The following CLVS1 variants were observed in gnomAD, a reference collection of about 807,000 sequenced individuals.
The protein encoded by CLVS1 is clavesin-1.
CLVS1 carries 10 observed loss-of-function variants against 33.1 expected under a neutral mutation model. The observed-to-expected ratio is 0.30, with a 90% confidence interval of 0.19 to 0.51. CLVS1 has a LOEUF of 0.51. Among genes scored for constraint, CLVS1 ranks in the 20% least tolerant of loss-of-function variants. The probability of loss-of-function intolerance (pLI) is 0.97; values close to 1 mark genes in which losing one functional copy is unlikely to be tolerated. For missense variants in CLVS1, 343 were observed against 433.4 expected, an observed-to-expected ratio of 0.79 and a Z score of 1.85; for synonymous variants, 163 against 166.1, an observed-to-expected ratio of 0.98 and a Z score of 0.14.
intron 2 of CLVS1, among the ~76,000 whole-genome samples, chr8:61,334,979 T>C (rs182735809): frequency 6.6e-6 from 1 of 152,076 alleles, no homozygotes; most frequent in Admixed American, 6.6e-5. Context: ...ATTTGGTAGG[T>C]AGGGGGAAAC....
chr8:61,136,456 G>C (rs577075178), intron 2 of CLVS1, among the ~76,000 whole-genome samples: 1 of 152,126 alleles, frequency 6.6e-6, no homozygotes, highest in African/African-American at 2.4e-5. Flanking sequence ...ATGATAGACC[G>C]GATAAAGAAA....
intron 3 of CLVS1, among the ~76,000 whole-genome samples, chr8:61,438,108 C>T (rs771329027): frequency 6.6e-6 from 1 of 152,110 alleles, no homozygotes; most frequent in African/African-American, 2.4e-5. Flanking sequence ...CACAGTTCAC[C>T]TATCAACCCA....
intron 2 of CLVS1, among the ~76,000 whole-genome samples, chr8:61,335,056 T>C (rs1227943709): frequency 6.6e-6 from 1 of 152,180 alleles, no homozygotes. Context: ...CTTCTTGCGC[T>C]GAGTCAGTTC....
At chr8:60,981,643 T>A in the CLVS1 span, among the ~76,000 whole-genome samples, 31 of 152,366 alleles carry the variant, frequency 2.0e-4, no homozygotes, top group African/African-American at 7.0e-4. Flanking sequence ...GATCTGGGGT[T>A]TGCTGATGCT....
intron 2 of CLVS1, among the ~76,000 whole-genome samples, chr8:61,256,520 AAAAACAAAAC>A (rs778837908): frequency 9.9e-5 from 15 of 152,240 alleles, no homozygotes; most frequent in Non-Finnish European, 4.4e-5. Context: ...CTCAAAAACA[AAAAACAAAAC>A]AAAACAAAAC....
intron 3 of CLVS1, among the ~76,000 whole-genome samples, chr8:61,402,280 A>C (rs1056745265): frequency 6.6e-6 from 1 of 150,628 alleles, no homozygotes; most frequent in Non-Finnish European, 1.5e-5. Flanking sequence ...CATGTCAAGC[A>C]AAAAAAAAGA....
chr8:61,135,397 A>T (rs368898376), intron 2 of CLVS1, among the ~76,000 whole-genome samples: 15 of 152,250 alleles, frequency 9.9e-5, no homozygotes, highest in Admixed American at 3.9e-4. Context: ...TGAGCGCTTG[A>T]TTCTATGTGG....
At chr8:61,327,040 T>C (rs546004619) in intron 2 of CLVS1, among the ~76,000 whole-genome samples, 69 of 152,208 alleles carry the variant, frequency 4.5e-4, no homozygotes, top group Non-Finnish European at 9.7e-4. Flanking sequence ...TGAGCTAAAG[T>C]AGATCTCTTT....
At chr8:61,068,223 GTATGTGTATA>G (rs1224737762) in intron 1 of CLVS1, among the ~76,000 whole-genome samples, 2 of 105,184 alleles carry the variant, frequency 1.9e-5, no homozygotes, top group Non-Finnish European at 3.5e-5. Flanking sequence ...ATATATGTAT[GTATGTGTATA>G]TATATATATA....
intron 1 of CLVS1, among the ~76,000 whole-genome samples, chr8:61,118,363 T>C (rs938503178): frequency 6.6e-6 from 1 of 151,862 alleles, no homozygotes. Flanking sequence ...TTTTTGTGTC[T>C]CTATTTCCTT....
intron 1 of CLVS1, among the ~76,000 whole-genome samples, chr8:61,290,015 C>T (rs916865447): frequency 6.6e-6 from 1 of 152,288 alleles, no homozygotes; most frequent in South Asian, 2.1e-4. Context: ...GTAACCAAGA[C>T]CTCTTAAAAG....
chr8:61,476,821 C>T lies in CLVS1; in HGVS notation c.977+18279C>T, dbSNP rs542146626. On this transcript the variant is annotated intron_variant, in intron 5 of 5. Transcript: ENST00000325897. Reference sequence around the variant, plus strand: ...TCCTGCCTGATTGCCCTGGCCAGAACCTCCAACACTATGTTGAATAGGAGT... The same window carrying T: ...TCCTGCCTGATTGCCCTGGCCAGAATCTCCAACACTATGTTGAATAGGAGT... Among the ~76,000 whole-genome samples, 30 of 152,278 alleles carry T rather than the reference C, an allele frequency of 2.0e-4. No homozygotes were observed. In the South Asian group the frequency reaches 5.8e-3, roughly 29 times the overall value.
chr8:61,454,093 A>AC (rs1411296330), intron 3 of CLVS1, 48 bp from the exon 4 acceptor site: 1 of 1,315,062 alleles, frequency 7.6e-7, no homozygotes, highest in Non-Finnish European at 1.1e-6. Flanking sequence ...GTCCAGTCTA[A>AC]CAAGGTGTGC....
rs193162318 is a variant in CLVS1 at position 61,336,414 on chromosome 8, C to A, written c.455+36132C>A. On this transcript the variant is annotated intron_variant, in intron 2 of 5. Coordinates refer to ENST00000325897, the MANE Select transcript of CLVS1 (RefSeq NM_173519.3). ...ATGTCCTAAATGCAGAGCCAGACTG[C>A]AGCCTGGCAGTGTTTCAGTGGCTTC... Among the ~76,000 whole-genome samples the A allele has an allele frequency of 2.0e-3, 303 of 152,314 alleles. 1 individual carries two copies. The highest frequency in any genetic ancestry group is 6.8e-3 in the African/African-American group (282 of 41,566).
chr8:61,490,213 G>A (rs1280973804), intron 5 of CLVS1, among the ~76,000 whole-genome samples: 1 of 151,590 alleles, frequency 6.6e-6, no homozygotes, highest in Non-Finnish European at 1.5e-5. Context: ...TACTCGGTTG[G>A]TTGAGGCAGG....
At chr8:61,123,290 A>C (rs1329920814) in intron 1 of CLVS1, among the ~76,000 whole-genome samples, 1 of 103,482 alleles carries the variant, frequency 9.7e-6, no homozygotes, top group East Asian at 2.6e-4. Context: ...TAATAATAAT[A>C]ATAATAAAAG....
chr8:61,018,511 T>C, the CLVS1 span, among the ~76,000 whole-genome samples: 1 of 152,180 alleles, frequency 6.6e-6, no homozygotes, highest in African/African-American at 2.4e-5. Context: ...TGCAAAGAGA[T>C]AGAGTGAAAA....
intron 2 of CLVS1, among the ~76,000 whole-genome samples, chr8:61,373,856 C>T (rs1813537550): frequency 6.6e-6 from 1 of 152,168 alleles, no homozygotes. Flanking sequence ...TTTATCTAGG[C>T]TGGGTTCAAC....
intron 1 of CLVS1, among the ~76,000 whole-genome samples, chr8:61,093,427 TGTGG>T (rs1805289693): frequency 6.6e-6 from 1 of 152,144 alleles, no homozygotes; most frequent in Non-Finnish European, 1.5e-5. Flanking sequence ...CCAAAAACTG[TGTGG>T]GTCATTCAGG....
Sources: allele counts gnomAD v4.1 joint callset (sites outside exome capture counted in the v4.1 genomes callset), GRCh38; gene constraint gnomAD v4.1.1; transcripts MANE v1.5; gene names NCBI Gene and HGNC (gene_info 2026-07-23, HGNC 2026-07-21).